LAMC3: variants seen among roughly 807,000 people sequenced by gnomAD.
LAMC3 encodes the protein laminin subunit gamma 3.
LAMC3 carries 128 observed loss-of-function variants against 173.8 expected under a neutral mutation model. The observed-to-expected ratio is 0.74, with a 90% CI of 0.64 to 0.85. LAMC3 has a LOEUF of 0.85. Ranked by LOEUF, LAMC3 falls within the 40% of genes least tolerant of loss-of-function variation. LAMC3 has a pLI of 0.00. For synonymous variants in LAMC3, 897 were observed against 909.1 expected, an observed-to-expected ratio of 0.99 and a Z score of 0.24; for missense variants, 2,022 against 2,156.0, an observed-to-expected ratio of 0.94 and a Z score of 1.23.
intron 24 of LAMC3, among the ~76,000 whole-genome samples, chr9:131,084,418 C>T (rs1830294759): frequency 6.6e-6 from 1 of 151,722 alleles, no homozygotes; most frequent in Non-Finnish European, 1.5e-5. Flanking sequence ...ACTATGTTTC[C>T]TAGGCTGGTT....
intron 25 of LAMC3, 106 bp downstream of exon 25, chr9:131,085,829 C>G (rs1830323117): frequency 9.2e-7 from 1 of 1,086,572 alleles, no homozygotes; most frequent in Non-Finnish European, 1.4e-6. Flanking sequence ...CACTCACTCA[C>G]TGCTCAGTGG....
At chr9:131,028,831 T>G (rs1833776564) in intron 2 of LAMC3, among the ~76,000 whole-genome samples, 1 of 152,150 alleles carries the variant, frequency 6.6e-6, no homozygotes, top group East Asian at 1.9e-4. Context: ...TTTTAATAAT[T>G]TTTTTTTCTT....
At chr9:131,050,095 C>G (rs1834252834) in intron 9 of LAMC3, among the ~76,000 whole-genome samples, 1 of 152,242 alleles carries the variant, frequency 6.6e-6, no homozygotes, top group African/African-American at 2.4e-5. Context: ...GCTCCAAGCT[C>G]AGAGGCCCAT....
chr9:131,032,543 T>A (rs796906023), intron 3 of LAMC3, among the ~76,000 whole-genome samples: 112 of 126,440 alleles, frequency 8.9e-4, no homozygotes, highest in African/African-American at 5.4e-3. Context: ...TGTCTCTCTC[T>A]CTTGCTCTCT....
At chr9:131,050,003 G>A (rs1051471541) in intron 9 of LAMC3, among the ~76,000 whole-genome samples, 1 of 152,242 alleles carries the variant, frequency 6.6e-6, no homozygotes, top group African/African-American at 2.4e-5. Flanking sequence ...GAGAGGCCGG[G>A]GAGATGATGT....
At chr9:131,085,783 G>C in intron 25 of LAMC3, 60 bp downstream of exon 25, 1 of 1,532,142 alleles carries the variant, frequency 6.5e-7, no homozygotes. Flanking sequence ...CCGCCCTTCC[G>C]CGGGCCCCTT....
chr9:131,025,415 C>A (rs1044935898), intron 1 of LAMC3, among the ~76,000 whole-genome samples: 1 of 152,092 alleles, frequency 6.6e-6, no homozygotes, highest in Non-Finnish European at 1.5e-5. Context: ...CAGGGTGGAG[C>A]GCAGGGCAGG....
chr9:131,041,645 C>A lies in LAMC3; in HGVS notation c.1292C>A (p.Thr431Asn), dbSNP rs776500074. 6.2e-7 allele frequency: 1 copy of A among 1,614,082 alleles called. No homozygotes were observed. The highest frequency in any genetic ancestry group is 8.5e-7 in the Non-Finnish European group (1 of 1,180,014). Residue 431 changes from threonine to asparagine, a missense_variant, in exon 7 of 28, where the codon ACT becomes AAT. Physicochemically the swap from Thr to Asn is moderately conservative, Grantham distance 65 (BLOSUM62 0). Coordinates refer to ENST00000361069, the MANE Select transcript of LAMC3 (RefSeq NM_006059.4). The part of the protein sequence containing the change: ...SLSEGGCRPC[T>N]CNPAGSLDTC... ...TCCTGTCTCATTGGCAGACCCTGCA[C>A]TTGCAATCCCGCTGGCAGCCTGGAC...
Position 131,072,792 on chromosome 9 carries a change from C to T in LAMC3, c.3374C>T (p.Ser1125Leu), listed in dbSNP as rs151213335. ...LADLEAVLES[S>L]EEEILHAAAI... ...GACCTGGAGGCAGTGCTGGAGTCCT[C>T]GGAAGAGGAGATTCTGCATGCAGCT... The change falls in exon 19 of 28, where the codon TCG becomes TTG. Residue 1125 changes from serine to leucine, a missense_variant. By Grantham distance (145) the Ser-to-Leu change is moderately radical (BLOSUM62 -2). Transcript: ENST00000361069. The T allele has an allele frequency of 1.5e-4, 244 of 1,613,130 alleles. 1 individual carries two copies. In the African/African-American group the frequency reaches 2.5e-3, roughly 16 times the overall value.
At chr9:131,013,700 G>C (rs1230573503) in intron 1 of LAMC3, among the ~76,000 whole-genome samples, 10 of 152,234 alleles carry the variant, frequency 6.6e-5, no homozygotes, top group Admixed American at 6.5e-4. Flanking sequence ...CCTGAAGGAT[G>C]GTAGGAGCTG....
At chr9:131,088,728 C>T (rs535468096) in intron 27 of LAMC3, among the ~76,000 whole-genome samples, 93 of 152,212 alleles carry the variant, frequency 6.1e-4, no homozygotes, top group Non-Finnish European at 9.7e-4. Context: ...GAAACACTAA[C>T]CCCCCATTTC....
intron 21 of LAMC3, among the ~76,000 whole-genome samples, chr9:131,076,495 A>G (rs1830129527): frequency 6.6e-6 from 1 of 152,148 alleles, no homozygotes; most frequent in Admixed American, 6.5e-5. Flanking sequence ...CGCTTAGATC[A>G]GGTGTCCAGC....
intron 11 of LAMC3, among the ~76,000 whole-genome samples, chr9:131,054,796 G>C (rs1325644179): frequency 7.4e-6 from 1 of 135,044 alleles, no homozygotes; most frequent in Non-Finnish European, 1.6e-5. Flanking sequence ...GAGAAAGAGA[G>C]AGAGAGAGTG....
intron 1 of LAMC3, among the ~76,000 whole-genome samples, chr9:131,024,431 C>T (rs763279265): frequency 5.9e-5 from 9 of 152,142 alleles, no homozygotes; most frequent in Non-Finnish European, 1.0e-4. Context: ...CAGGCATGAG[C>T]CACCGCACCC....
rs145173848 is a variant in LAMC3, at chr9:131,067,244, G to A, written c.2593+39G>A. 339 of 1,609,408 alleles carry A rather than the reference G, an allele frequency of 2.1e-4. No homozygotes were observed. In the African/African-American group the frequency reaches 3.2e-3, roughly 15 times the overall value. On this transcript the variant is annotated intron_variant, in intron 14 of 27. Transcript: ENST00000361069. ...TCCAGACCCCAGGGTGGCACATGGT[G>A]GGCCCCTTCTCTTCTGCCCTGGCTC...
rs145352193 is a variant in LAMC3 at position 131,042,170 on chromosome 9, C to T, written c.1382+435C>T. On this transcript the variant is annotated intron_variant, in intron 7 of 27. Coordinates refer to ENST00000361069, the MANE Select transcript of LAMC3 (RefSeq NM_006059.4). ...TAATGGAGCACTATCACAGGCCTCC[C>T]GTTTCACACCCACAGCAGACATCAC... Among the ~76,000 whole-genome samples the T allele has an allele frequency of 4.2e-3, 641 of 152,076 alleles. 17 individuals are homozygous for T. Among genetic ancestry groups the T allele is most frequent in the Admixed American group, 0.033 (505 of 15,264 alleles).
intron 1 of LAMC3, among the ~76,000 whole-genome samples, chr9:131,017,562 TA>T (rs544142318): frequency 2.8e-3 from 391 of 140,970 alleles, no homozygotes; most frequent in Non-Finnish European, 3.3e-3. Flanking sequence ...CTTTCTCTAT[TA>T]AAAAAAAAAA....
In LAMC3 at chr9:131,036,161, C is replaced by T; in HGVS notation, c.810-5C>T. The T allele has an allele frequency of 6.2e-7, 1 of 1,613,248 alleles. No individual in the cohort carries two copies. Among genetic ancestry groups the T allele is most frequent in the Non-Finnish European group, 8.5e-7 (1 of 1,179,910 alleles). ...GTCCCCTTCCTCCTCTGTGTCTTTT[C>T]CCAGGTGCAAGTGCAACGGGCATGC... On this transcript the variant is annotated splice_region_variant and splice_polypyrimidine_tract_variant and intron_variant, in intron 3 of 27. Transcript: ENST00000361069.
At chr9:131,077,426 C>T (rs1830150523) in intron 22 of LAMC3, 92 bp downstream of exon 22, 3 of 1,540,678 alleles carry the variant, frequency 1.9e-6, no homozygotes, top group Admixed American at 1.7e-5. Flanking sequence ...CCTGTAATCG[C>T]AGCACTTTGG....
Sources: allele counts gnomAD v4.1 joint callset (sites outside exome capture counted in the v4.1 genomes callset), GRCh38; gene constraint gnomAD v4.1.1; transcripts MANE v1.5; gene names NCBI Gene and HGNC (gene_info 2026-07-23, HGNC 2026-07-21).